CCDC171: variants seen among roughly 807,000 people sequenced by gnomAD.
The protein encoded by CCDC171 is coiled-coil domain-containing protein 171.
Under a neutral mutation model 168.2 loss-of-function variants are expected in CCDC171, and 177 were observed. The observed-to-expected ratio is 1.05, with a 90% CI of 0.93 to 1.19. The LOEUF (loss-of-function observed/expected upper bound fraction) is 1.19. Among genes scored for constraint, CCDC171 ranks in the 50% most tolerant of loss-of-function variants. CCDC171 has a pLI of 0.00. For missense variants in CCDC171, 1,991 were observed against 1,539.0 expected, an observed-to-expected ratio of 1.29 and a Z score of -4.91; for synonymous variants, 687 against 540.8, an observed-to-expected ratio of 1.27 and a Z score of -3.75.
At chr9:16,048,349 G>A (rs1452442229) in intron 1 of CCDC171, among the ~76,000 whole-genome samples, 1 of 152,236 alleles carries the variant, frequency 6.6e-6, no homozygotes, top group Non-Finnish European at 1.5e-5. Context: ...TCTCTCTGAG[G>A]AGGGAGCTGG....
chr9:15,649,370 A>G, intron 7 of CCDC171, among the ~76,000 whole-genome samples: 1 of 152,230 alleles, frequency 6.6e-6, no homozygotes, highest in Non-Finnish European at 1.5e-5. Flanking sequence ...ACCAAAAGCA[A>G]TGGCAACAAA....
chr9:15,864,974 A>G (rs1166768538), intron 23 of CCDC171, among the ~76,000 whole-genome samples: 9 of 152,222 alleles, frequency 5.9e-5, no homozygotes. Context: ...TACGGCCATA[A>G]CATACAGGCT....
At chr9:15,942,237 T>C (rs1827812962) in intron 25 of CCDC171, among the ~76,000 whole-genome samples, 1 of 151,932 alleles carries the variant, frequency 6.6e-6, no homozygotes, top group Admixed American at 6.6e-5. Flanking sequence ...AGATAACAAA[T>C]AGTTTGCTAA....
chr9:15,776,399 CAT>C (rs895657848), intron 18 of CCDC171: 3 of 152,206 alleles, frequency 2.0e-5, no homozygotes, highest in African/African-American at 7.2e-5. Context: ...TAATGAGTGG[CAT>C]ATAGAATTAA....
chr9:16,081,760 C>A, the CCDC171 span, among the ~76,000 whole-genome samples: 1 of 151,978 alleles, frequency 6.6e-6, no homozygotes, highest in Non-Finnish European at 1.5e-5. Flanking sequence ...TATAGTAGAG[C>A]TTCTGAGGTA....
At chr9:15,794,969 A>G (rs545512027) in intron 21 of CCDC171, among the ~76,000 whole-genome samples, 3 of 152,344 alleles carry the variant, frequency 2.0e-5, no homozygotes, top group African/African-American at 7.2e-5. Context: ...GGATTTTGCT[A>G]ACATGAAAGG....
At chr9:15,808,165 C>A (rs1197224616) in intron 21 of CCDC171, among the ~76,000 whole-genome samples, 1 of 151,870 alleles carries the variant, frequency 6.6e-6, no homozygotes, top group Non-Finnish European at 1.5e-5. Flanking sequence ...AGTGAGGGGG[C>A]ATTTGGAGGG....
At chr9:15,949,839 T>C (rs1828903213) in intron 25 of CCDC171, among the ~76,000 whole-genome samples, 1 of 152,148 alleles carries the variant, frequency 6.6e-6, no homozygotes, top group Non-Finnish European at 1.5e-5. Flanking sequence ...CTTCTAACAC[T>C]ATGTTGAATA....
chr9:15,627,815 C>T (rs906430887), intron 7 of CCDC171, among the ~76,000 whole-genome samples: 1 of 152,072 alleles, frequency 6.6e-6, no homozygotes, highest in Admixed American at 6.6e-5. Flanking sequence ...ATGGAGAGTA[C>T]CGTAGATGTC....
At chr9:16,043,757 C>A (rs1283308731) in intron 1 of CCDC171, among the ~76,000 whole-genome samples, 1 of 152,196 alleles carries the variant, frequency 6.6e-6, no homozygotes, top group East Asian at 1.9e-4. Context: ...CCTAAGCTAT[C>A]TGTCCATCTC....
At chr9:15,933,212 A>G (rs1487163604) in intron 25 of CCDC171, among the ~76,000 whole-genome samples, 1 of 152,114 alleles carries the variant, frequency 6.6e-6, no homozygotes, top group East Asian at 1.9e-4. Flanking sequence ...CAGTAAAGCC[A>G]TCAGGTCCTG....
At chr9:15,993,352 C>A (rs561625673) in intron 3 of CCDC171, among the ~76,000 whole-genome samples, 2 of 152,240 alleles carry the variant, frequency 1.3e-5, no homozygotes, top group Admixed American at 1.3e-4. Context: ...GGAAAGGATT[C>A]CCTATTAATA....
At chr9:15,827,548 A>G (rs774839744) in intron 21 of CCDC171, among the ~76,000 whole-genome samples, 10 of 152,040 alleles carry the variant, frequency 6.6e-5, no homozygotes, top group Non-Finnish European at 1.2e-4. Context: ...TTGCTTGTTT[A>G]TTTTCGTAGA....
At chr9:16,108,397 A>G in the CCDC171 span, among the ~76,000 whole-genome samples, 1 of 152,140 alleles carries the variant, frequency 6.6e-6, no homozygotes, top group Non-Finnish European at 1.5e-5. Flanking sequence ...TTTATTTCTT[A>G]TTTTCTATGT....
intron 21 of CCDC171, among the ~76,000 whole-genome samples, chr9:15,823,221 G>T (rs897678792): frequency 6.6e-6 from 1 of 151,986 alleles, no homozygotes; most frequent in Non-Finnish European, 1.5e-5. Context: ...TATACCTAAT[G>T]TTAAATGACG....
At chr9:15,681,087 G>A (rs1390339606) in intron 10 of CCDC171, among the ~76,000 whole-genome samples, 2 of 151,922 alleles carry the variant, frequency 1.3e-5, no homozygotes, top group African/African-American at 2.4e-5. Context: ...GTGATATATG[G>A]CCTAAAATAA....
At chr9:16,049,635 A>G (rs1426401772) in intron 1 of CCDC171, among the ~76,000 whole-genome samples, 1 of 152,126 alleles carries the variant, frequency 6.6e-6, no homozygotes, top group African/African-American at 2.4e-5. Context: ...CCTTGGACTG[A>G]GAGATACACC....
intron 3 of CCDC171, among the ~76,000 whole-genome samples, chr9:15,577,343 G>A (rs1333887173): frequency 1.3e-5 from 2 of 152,028 alleles, no homozygotes; most frequent in Non-Finnish European, 2.9e-5. Context: ...TATCCCTCAG[G>A]CCTTGTAGTA....
In CCDC171 at chr9:16,043,169, T is replaced by C. The variant is rs117664851; in HGVS notation, n.89+283T>C. ...AAAAAGCAGATATATATGGGTTCTATATAATTGTTCACTATCATAGTATAT... is the reference window on the plus strand; with the variant it reads ...AAAAAGCAGATATATATGGGTTCTACATAATTGTTCACTATCATAGTATAT... On this transcript the variant is annotated intron_variant and non_coding_transcript_variant, in intron 1 of 1. Transcript: ENST00000478913. Among the ~76,000 whole-genome samples the C allele has an allele frequency of 7.9e-5, 12 of 152,334 alleles. No homozygotes were observed. In the East Asian group the frequency reaches 2.3e-3, roughly 29 times the overall value.
Sources: gnomAD v4.1 joint callset for allele counts (sites outside exome capture counted in the v4.1 genomes callset) on GRCh38, gnomAD v4.1.1 for gene constraint, MANE v1.5 for transcripts, NCBI Gene and HGNC (gene_info 2026-07-23, HGNC 2026-07-21) for gene names.